OPCML: variants seen among roughly 807,000 people sequenced by gnomAD.
OPCML encodes the protein opioid binding protein/cell adhesion molecule like.
A neutral mutation model predicts 37.8 loss-of-function variants in OPCML; 13 were observed. That is an observed-to-expected ratio of 0.34 (90% confidence interval 0.22 to 0.55). The LOEUF is 0.55. Ranked by LOEUF, OPCML falls within the 20% of genes least tolerant of loss-of-function variation. The probability of loss-of-function intolerance (pLI) is 0.91; values close to 1 mark genes in which losing one functional copy is unlikely to be tolerated. For synonymous variants in OPCML, 176 were observed against 168.8 expected (o/e 1.04, Z -0.33); for missense variants, 341 against 435.6 (o/e 0.78, Z 1.93).
chr11:132,539,652 G>A (rs989578224), intron 3 of OPCML, among the ~76,000 whole-genome samples: 2 of 151,890 alleles, frequency 1.3e-5, no homozygotes, highest in East Asian at 3.9e-4. Context: ...GACAAAGATG[G>A]TAAAGATAGT....
intron 3 of OPCML, among the ~76,000 whole-genome samples, chr11:132,538,523 A>G (rs1271107119): frequency 1.3e-5 from 2 of 152,164 alleles, no homozygotes; most frequent in Non-Finnish European, 2.9e-5. Context: ...AAAAGCTCTG[A>G]ACTGTTCTCT....
intron 2 of OPCML, among the ~76,000 whole-genome samples, chr11:132,865,177 C>A (rs1942480635): frequency 6.6e-6 from 1 of 152,214 alleles, no homozygotes; most frequent in South Asian, 2.1e-4. Flanking sequence ...TAGATTCACA[C>A]ACACATACGC....
At chr11:133,187,925 A>C (rs544611286) in intron 1 of OPCML, among the ~76,000 whole-genome samples, 1 of 152,216 alleles carries the variant, frequency 6.6e-6, no homozygotes, top group African/African-American at 2.4e-5. Flanking sequence ...CAGCTAACAC[A>C]TGGTGGAGTC....
At chr11:132,978,767 A>T (rs1003926883) in intron 1 of OPCML, among the ~76,000 whole-genome samples, 17 of 152,164 alleles carry the variant, frequency 1.1e-4, no homozygotes, top group Non-Finnish European at 2.2e-4. Context: ...ACTCAAATAC[A>T]TTTGCATATG....
chr11:133,404,683 G>C (rs912903734), intron 1 of OPCML, among the ~76,000 whole-genome samples: 2 of 152,368 alleles, frequency 1.3e-5, no homozygotes, highest in South Asian at 2.1e-4. Context: ...CGGGAGACCA[G>C]AGGAGGCTGA....
chr11:133,507,963 A>C (rs1948071222), intron 1 of OPCML, among the ~76,000 whole-genome samples: 1 of 150,742 alleles, frequency 6.6e-6, no homozygotes. Context: ...AAAAAAAAAA[A>C]TCTCAAATGA....
chr11:132,526,967 CA>C (rs1489303482), intron 4 of OPCML, among the ~76,000 whole-genome samples: 4 of 152,048 alleles, frequency 2.6e-5, no homozygotes, highest in African/African-American at 4.8e-5. Flanking sequence ...GGATTTCATG[CA>C]AACAAATTCA....
chr11:132,488,977 T>C (rs1404472746), intron 4 of OPCML, among the ~76,000 whole-genome samples: 2 of 152,222 alleles, frequency 1.3e-5, no homozygotes, highest in Non-Finnish European at 2.9e-5. Context: ...AGCCAGCTGG[T>C]GACCAAACAT....
intron 1 of OPCML, among the ~76,000 whole-genome samples, chr11:133,502,148 C>T (rs1947929388): frequency 1.3e-5 from 2 of 152,188 alleles, no homozygotes; most frequent in South Asian, 4.1e-4. Flanking sequence ...AACTTTGCCC[C>T]GAGAGACCTG....
At chr11:133,229,769 A>G (rs1014163390) in intron 1 of OPCML, among the ~76,000 whole-genome samples, 3 of 152,200 alleles carry the variant, frequency 2.0e-5, no homozygotes, top group African/African-American at 7.2e-5. Context: ...GAACTGCTGG[A>G]CAAGTTTTCA....
intron 1 of OPCML, among the ~76,000 whole-genome samples, chr11:133,378,275 G>A (rs963294449): frequency 1.3e-5 from 2 of 152,102 alleles, no homozygotes; most frequent in African/African-American, 4.8e-5. Context: ...GCCTAAATGA[G>A]AACAAATACT....
intron 1 of OPCML, among the ~76,000 whole-genome samples, chr11:133,223,999 A>G (rs1939939081): frequency 6.6e-6 from 1 of 152,144 alleles, no homozygotes; most frequent in South Asian, 2.1e-4. Flanking sequence ...GTATTTGGGT[A>G]GAGTGTGTGG....
intron 1 of OPCML, among the ~76,000 whole-genome samples, chr11:133,216,779 T>A (rs1165603658): frequency 6.6e-6 from 1 of 152,228 alleles, no homozygotes; most frequent in Non-Finnish European, 1.5e-5. Context: ...CATTCATGCA[T>A]ATGAACAAAT....
intron 1 of OPCML, among the ~76,000 whole-genome samples, chr11:132,998,062 T>A (rs1362612530): frequency 6.6e-6 from 1 of 152,180 alleles, no homozygotes; most frequent in Non-Finnish European, 1.5e-5. Flanking sequence ...CGCCATCTGA[T>A]TGGAATGTCC....
chr11:133,121,523 A>C (rs549952205), intron 1 of OPCML, among the ~76,000 whole-genome samples: 2 of 152,200 alleles, frequency 1.3e-5, no homozygotes, highest in African/African-American at 4.8e-5. Flanking sequence ...AGCTCTTGAC[A>C]CAGATTAGAA....
intron 2 of OPCML, among the ~76,000 whole-genome samples, chr11:132,674,500 C>T (rs887355575): frequency 6.6e-6 from 1 of 152,180 alleles, no homozygotes; most frequent in Non-Finnish European, 1.5e-5. Flanking sequence ...GACTTGATCT[C>T]TTGACAAAAG....
At chr11:132,583,387 C>T (rs1480504043) in intron 3 of OPCML, among the ~76,000 whole-genome samples, 1 of 152,114 alleles carries the variant, frequency 6.6e-6, no homozygotes, top group Non-Finnish European at 1.5e-5. Flanking sequence ...TAGCCTCGAA[C>T]TTTTGGCTTC....
chr11:133,199,915 G>A (rs902033174), intron 1 of OPCML, among the ~76,000 whole-genome samples: 2 of 152,152 alleles, frequency 1.3e-5, no homozygotes, highest in Admixed American at 6.5e-5. Flanking sequence ...GCTCAAATAT[G>A]TTTATGAAAT....
At chr11:132,972,005 A>T (rs549017230) in intron 1 of OPCML, among the ~76,000 whole-genome samples, 1 of 152,182 alleles carries the variant, frequency 6.6e-6, no homozygotes, top group African/African-American at 2.4e-5. Flanking sequence ...CAGCAGAACC[A>T]TTAACAGGAA....
Sources: allele counts gnomAD v4.1 joint callset (sites outside exome capture counted in the v4.1 genomes callset), GRCh38; gene constraint gnomAD v4.1.1; transcripts MANE v1.5; gene names NCBI Gene and HGNC (gene_info 2026-07-23, HGNC 2026-07-21).